The following MYO18B variants were observed in gnomAD, a reference collection of about 807,000 sequenced individuals.
MYO18B encodes the protein myosin XVIIIB, also known as unconventional myosin-XVIIIb.
MYO18B carries 204 observed loss-of-function variants against 273.0 expected under a neutral mutation model. The observed-to-expected ratio is 0.75, with a 90% CI of 0.67 to 0.84. The LOEUF is 0.84. MYO18B is among the 40% of genes least tolerant of loss of function. The pLI is 0.00. For missense variants in MYO18B, 3,212 were observed against 3,287.6 expected (o/e 0.98, Z 0.56); for synonymous variants, 1,330 against 1,305.7 (o/e 1.02, Z -0.40).
intron 30 of MYO18B, 87 bp downstream of exon 30, chr22:25,902,823 AG>A: frequency 6.9e-7 from 1 of 1,449,984 alleles, no homozygotes; most frequent in South Asian, 1.4e-5. Flanking sequence ...AAATGGTGAC[AG>A]AGAGAAAACT....
intron 34 of MYO18B, among the ~76,000 whole-genome samples, chr22:25,924,039 A>G (rs1309244504): frequency 2.6e-5 from 4 of 152,176 alleles, no homozygotes; most frequent in African/African-American, 9.7e-5. Context: ...ATCAAAGGAA[A>G]TCCACAGCTT....
chr22:26,036,883 C>T, the MYO18B span, among the ~76,000 whole-genome samples: 6 of 152,142 alleles, frequency 3.9e-5, no homozygotes, highest in African/African-American at 1.4e-4. Flanking sequence ...CATTGTTCAG[C>T]GAGTGAGGAG....
At chr22:25,845,438 AC>A (rs1434966762) in intron 18 of MYO18B, among the ~76,000 whole-genome samples, 2 of 151,914 alleles carry the variant, frequency 1.3e-5, no homozygotes, top group African/African-American at 4.8e-5. Flanking sequence ...AATCGCTTGA[AC>A]CCGGGAGGCG....
At chr22:25,934,301 T>C (rs1055345217) in intron 34 of MYO18B, among the ~76,000 whole-genome samples, 14 of 152,224 alleles carry the variant, frequency 9.2e-5, no homozygotes, top group Non-Finnish European at 2.9e-5. Flanking sequence ...AATTCTTGAT[T>C]TTGATGTAAT....
downstream of MYO18B, chr22:26,031,191 T>C (rs1207492583): frequency 1.1e-5 from 4 of 360,496 alleles, no homozygotes; most frequent in African/African-American, 8.4e-5. Flanking sequence ...TTTATTTAAA[T>C]TCCCACTAGC....
chr22:26,043,022 C>T, the MYO18B span, among the ~76,000 whole-genome samples: 1 of 152,184 alleles, frequency 6.6e-6, no homozygotes, highest in African/African-American at 2.4e-5. Flanking sequence ...CATTTTTAAT[C>T]ACCCTAGAAA....
intron 36 of MYO18B, 148 bp from the exon 37 acceptor site, chr22:25,950,219 T>C (rs2092774311): frequency 1.6e-6 from 1 of 618,734 alleles, no homozygotes; most frequent in Non-Finnish European, 2.8e-6. Flanking sequence ...ATGTGAGAGG[T>C]AATTTTTGGG....
intron 42 of MYO18B, among the ~76,000 whole-genome samples, chr22:26,024,422 C>G (rs1158198539): frequency 9.2e-5 from 14 of 152,082 alleles, no homozygotes; most frequent in Non-Finnish European, 1.9e-4. Flanking sequence ...TTGGCCTATC[C>G]CAGGAGACCA....
In MYO18B at chr22:25,835,379, C is replaced by T; in HGVS notation, c.3144C>T (p.Ser1048=). 1 of 1,613,976 alleles carries T rather than the reference C, an allele frequency of 6.2e-7. No homozygotes were observed. Residue 1048 remains serine (S), a synonymous_variant, in exon 17 of 44, where the codon TCC becomes TCT. Coordinates refer to ENST00000335473, the MANE Select transcript of MYO18B (RefSeq NM_032608.7). ...VLDEEVHVEG[S]SDSVVLERLC... ...ATGAGGAAGTCCATGTAGAGGGCTC[C>T]AGTGACAGTGTGGTGCTCGAGCGTC...
intron 42 of MYO18B, among the ~76,000 whole-genome samples, chr22:26,020,580 G>A (rs1483547622): frequency 6.6e-6 from 1 of 152,194 alleles, no homozygotes; most frequent in Non-Finnish European, 1.5e-5. Flanking sequence ...TTATGTCAAA[G>A]GATTAACTTT....
chr22:25,925,068 C>T (rs1053633592), intron 34 of MYO18B, among the ~76,000 whole-genome samples: 2 of 152,150 alleles, frequency 1.3e-5, no homozygotes, highest in African/African-American at 2.4e-5. Context: ...GTCCTATACC[C>T]TTACAACTTG....
intron 39 of MYO18B, among the ~76,000 whole-genome samples, chr22:25,958,836 A>G (rs569353645): frequency 5.9e-5 from 9 of 152,158 alleles, no homozygotes; most frequent in Middle Eastern, 3.2e-3. Flanking sequence ...TCCCATTTCT[A>G]TAAGATAAGG....
Position 26,027,655 on chromosome 22 carries a change from A to G in MYO18B, c.7681A>G (p.Met2561Val). The G allele has an allele frequency of 6.2e-7, 1 of 1,612,858 alleles. No individual in the cohort carries two copies. The part of the protein sequence containing the change: ...GRKDDDVASI[M>V]KKYLQK ...GAAAGACGACGATGTTGCGAGCATA[A>G]TGAAGAAATACCTCCAGAAGTAGGA... Residue 2561 changes from methionine (M) to valine (V), a missense_variant, in exon 43 of 44, where the codon ATG becomes GTG. Coordinates refer to ENST00000335473, the MANE Select transcript of MYO18B (RefSeq NM_032608.7). This position sits in a 1 kb window ranked among gnomAD's most constrained non-coding sequence, Gnocchi z 4.1.
chr22:25,892,775 C>T (rs893745973), intron 27 of MYO18B: 1 of 152,144 alleles, frequency 6.6e-6, no homozygotes. Flanking sequence ...CGAGACCCAA[C>T]AAGGTAGGGT....
chr22:25,794,140 A>C (rs897100319), intron 11 of MYO18B, among the ~76,000 whole-genome samples: 2 of 151,720 alleles, frequency 1.3e-5, no homozygotes, highest in Non-Finnish European at 2.9e-5. Flanking sequence ...TCACTGGTTA[A>C]CCAGGATGGT....
At chr22:26,050,247 C>A in the MYO18B span, among the ~76,000 whole-genome samples, 2 of 152,164 alleles carry the variant, frequency 1.3e-5, no homozygotes, top group Non-Finnish European at 2.9e-5. Flanking sequence ...CAGATACAGA[C>A]TCACAGATGC....
At chr22:25,997,955 AC>A (rs1933479376) in intron 40 of MYO18B, among the ~76,000 whole-genome samples, 4 of 141,186 alleles carry the variant, frequency 2.8e-5, no homozygotes, top group African/African-American at 1.1e-4. Context: ...ACACACACAC[AC>A]AAACACACAC....
rs1378790215 is a variant in MYO18B at position 25,828,787 on chromosome 22, C to T, written c.2798C>T (p.Ser933Phe). The T allele has an allele frequency of 1.2e-6, 2 of 1,613,418 alleles. No homozygotes were observed. The highest frequency in any genetic ancestry group is 3.3e-5 in the Admixed American group (2 of 60,000). ...VVSLINRSFS[S>F]HHLSMASIMV... Reference sequence around the variant, plus strand: ...TCTTCTCTCCCTAGATCCTTTTCCTCCCACCATCTCTCCATGGCCTCCATC... The same window carrying T: ...TCTTCTCTCCCTAGATCCTTTTCCTTCCACCATCTCTCCATGGCCTCCATC... The change falls in exon 15 of 44, where the codon TCC (serine) becomes TTC (phenylalanine). Residue 933 changes from serine (S) to phenylalanine (F), a missense_variant. Coordinates refer to ENST00000335473, the MANE Select transcript of MYO18B (RefSeq NM_032608.7).
intron 32 of MYO18B, among the ~76,000 whole-genome samples, chr22:25,909,148 T>C (rs554519176): frequency 2.0e-5 from 3 of 152,338 alleles, no homozygotes; most frequent in African/African-American, 7.2e-5. Context: ...TTATAACCAG[T>C]GCCGAGATAA....
Sources: gnomAD v4.1 joint callset for allele counts (sites outside exome capture counted in the v4.1 genomes callset) on GRCh38, gnomAD v4.1.1 for gene constraint, Gnocchi (gnomAD v3.1) non-coding constraint, MANE v1.5 for transcripts, NCBI Gene and HGNC (gene_info 2026-07-23, HGNC 2026-07-21) for gene names.